The following TMPRSS15 variants were observed in gnomAD, a reference collection of about 807,000 sequenced individuals.
The protein encoded by TMPRSS15 is transmembrane serine protease 15, also known as enteropeptidase.
In TMPRSS15, 128 loss-of-function variants were observed where a neutral mutation model predicts 125.3. The ratio of observed to expected loss-of-function variants is 1.02; its 90% CI spans 0.89 to 1.18. TMPRSS15 has a LOEUF of 1.18. TMPRSS15 is among the 50% of genes most tolerant of loss of function. The pLI is 0.00. For missense variants in TMPRSS15, 1,283 were observed against 1,212.7 expected (o/e 1.06, Z -0.86); for synonymous variants, 446 against 423.2 (o/e 1.05, Z -0.66).
At chr21:18,300,321 T>A (rs1274893559) in intron 18 of TMPRSS15, among the ~76,000 whole-genome samples, 1 of 149,538 alleles carries the variant, frequency 6.7e-6, no homozygotes, top group African/African-American at 2.5e-5. Context: ...TCTTTCTCCT[T>A]CCTTCCTTCT....
intron 13 of TMPRSS15, among the ~76,000 whole-genome samples, chr21:18,337,136 T>C (rs2075400205): frequency 6.6e-6 from 1 of 152,186 alleles, no homozygotes; most frequent in Non-Finnish European, 1.5e-5. Flanking sequence ...TCAAGTGACC[T>C]GCCCCCCTCA....
chr21:18,414,962 T>C (rs569818323), intron 1 of TMPRSS15, among the ~76,000 whole-genome samples: 3 of 152,138 alleles, frequency 2.0e-5, no homozygotes, highest in Non-Finnish European at 4.4e-5. Context: ...TGTTGCATCA[T>C]GTTACATTCC....
intron 8 of TMPRSS15, among the ~76,000 whole-genome samples, chr21:18,354,503 T>C (rs1412229634): frequency 1.3e-5 from 2 of 151,716 alleles, no homozygotes; most frequent in Non-Finnish European, 3.0e-5. Flanking sequence ...TACAAAATCA[T>C]TGTTACATAA....
intron 10 of TMPRSS15, among the ~76,000 whole-genome samples, chr21:18,344,622 A>G (rs2146991403): frequency 6.6e-6 from 1 of 152,328 alleles, no homozygotes; most frequent in South Asian, 2.1e-4. Flanking sequence ...GAGAAGCAGA[A>G]AGCATGCTAA....
At chr21:18,355,774 T>C (rs546378054) in intron 8 of TMPRSS15, among the ~76,000 whole-genome samples, 69 of 151,972 alleles carry the variant, frequency 4.5e-4, no homozygotes, top group African/African-American at 1.6e-3. Flanking sequence ...GTGAATTCTG[T>C]CTTTTGCTTC....
At chr21:18,336,832 G>A (rs2075397354) in intron 13 of TMPRSS15, among the ~76,000 whole-genome samples, 2 of 152,082 alleles carry the variant, frequency 1.3e-5, no homozygotes. Context: ...CACTGTGCCT[G>A]GCTCAGGCTA....
intron 1 of TMPRSS15, among the ~76,000 whole-genome samples, chr21:18,476,314 T>C (rs1978879579): frequency 1.3e-5 from 2 of 152,150 alleles, no homozygotes; most frequent in Admixed American, 1.3e-4. Flanking sequence ...ATGTGTTATT[T>C]TATGACCTCA....
At chr21:18,451,772 T>C (rs1025398246) in intron 1 of TMPRSS15, among the ~76,000 whole-genome samples, 16 of 152,190 alleles carry the variant, frequency 1.1e-4, no homozygotes, top group African/African-American at 3.9e-4. Flanking sequence ...TCAGTTTTTG[T>C]ATGACTGTCC....
intron 1 of TMPRSS15, among the ~76,000 whole-genome samples, chr21:18,471,268 T>G (rs1282621870): frequency 2.0e-5 from 3 of 152,098 alleles, no homozygotes; most frequent in Non-Finnish European, 2.9e-5. Flanking sequence ...TATCTATGAT[T>G]TTTTCTATCA....
chr21:18,460,509 T>G (rs907011438), intron 1 of TMPRSS15: 1 of 152,198 alleles, frequency 6.6e-6, no homozygotes, highest in Non-Finnish European at 1.5e-5. Context: ...GTTCTGCAAA[T>G]AAACAGAAAC....
intron 10 of TMPRSS15, among the ~76,000 whole-genome samples, chr21:18,349,141 G>C (rs563254635): frequency 2.0e-5 from 3 of 152,122 alleles, no homozygotes; most frequent in Non-Finnish European, 4.4e-5. Flanking sequence ...TAAAGGAAAC[G>C]AAAGAAACAT....
chr21:18,304,347 A>G (rs2075006647), intron 18 of TMPRSS15, among the ~76,000 whole-genome samples: 1 of 152,024 alleles, frequency 6.6e-6, no homozygotes, highest in Admixed American at 6.6e-5. Context: ...TATAACTTCT[A>G]TGTTGTTTTC....
At chr21:18,425,759 T>TA (rs1319519901) in intron 1 of TMPRSS15, among the ~76,000 whole-genome samples, 4 of 152,116 alleles carry the variant, frequency 2.6e-5, no homozygotes, top group Non-Finnish European at 4.4e-5. Flanking sequence ...AGAAAATGCT[T>TA]AAAAAAATCT....
chr21:18,405,669 A>G (rs1275592187), upstream of TMPRSS15, among the ~76,000 whole-genome samples: 1 of 152,168 alleles, frequency 6.6e-6, no homozygotes, highest in African/African-American at 2.4e-5. Flanking sequence ...TTCAATACAT[A>G]GCGCCGCATT....
At chr21:18,327,015 T>C (rs917919833) in intron 15 of TMPRSS15, among the ~76,000 whole-genome samples, 6 of 152,198 alleles carry the variant, frequency 3.9e-5, no homozygotes, top group African/African-American at 1.4e-4. Flanking sequence ...TATTTGGAGA[T>C]TGGGAATATT....
chr21:18,333,620 G>T (rs9980774), intron 13 of TMPRSS15, among the ~76,000 whole-genome samples: 5 of 151,742 alleles, frequency 3.3e-5, no homozygotes, highest in Non-Finnish European at 7.4e-5. Flanking sequence ...GTAAGGAAAG[G>T]GAGACAAAAT....
At chr21:18,433,169 G>C (rs2076219955) in intron 1 of TMPRSS15, among the ~76,000 whole-genome samples, 1 of 152,086 alleles carries the variant, frequency 6.6e-6, no homozygotes, top group Non-Finnish European at 1.5e-5. Context: ...TGTTGCACCT[G>C]ACCACTGCTA....
intron 10 of TMPRSS15, among the ~76,000 whole-genome samples, chr21:18,345,618 G>A (rs897578817): frequency 1.4e-5 from 2 of 146,972 alleles, no homozygotes; most frequent in African/African-American, 5.0e-5. Context: ...GCGGGCGCCT[G>A]TAGTCCCAGC....
At chr21:18,355,117 G>A (rs1235317648) in intron 8 of TMPRSS15, among the ~76,000 whole-genome samples, 1 of 151,880 alleles carries the variant, frequency 6.6e-6, no homozygotes, top group Non-Finnish European at 1.5e-5. Context: ...TGCTACGGCA[G>A]CATGCATACC....
Sources: allele counts gnomAD v4.1 joint callset (sites outside exome capture counted in the v4.1 genomes callset), GRCh38; gene constraint gnomAD v4.1.1; transcripts MANE v1.5; gene names NCBI Gene and HGNC (gene_info 2026-07-23, HGNC 2026-07-21).